Variants in MGAM2 observed in about 807,000 individuals in gnomAD.
MGAM2 encodes maltase-glucoamylase 2 (putative).
MGAM2 carries 98 observed loss-of-function variants against 96.1 expected under a neutral mutation model. That is an observed-to-expected ratio of 1.02 (90% CI 0.87 to 1.21). The LOEUF (loss-of-function observed/expected upper bound fraction) is 1.21, where lower values mean the gene tolerates loss of function less well. MGAM2 is among the 50% of genes most tolerant of loss of function. The probability of loss-of-function intolerance (pLI) is 0.00; values close to 1 mark genes in which losing one functional copy is unlikely to be tolerated. For missense variants in MGAM2, 2,055 were observed against 1,182.4 expected (o/e 1.74, Z -10.82); for synonymous variants, 749 against 414.8 (o/e 1.81, Z -9.79).
rs182520613 is a variant in MGAM2, at chr7:142,125,500, G to C, written c.186+5119G>C. ...GAGGGAGCAGAGCTACTTAATGTCT[G>C]CCTTAGGAAAATCAATTATCTACAG... is the stretch of plus-strand genomic sequence containing the variant. On this transcript the variant is annotated intron_variant, in intron 3 of 47. Transcript: ENST00000477922. Among the ~76,000 whole-genome samples the C allele has an allele frequency of 6.6e-3, 1,008 of 152,228 alleles. 7 individuals carry two copies. The highest frequency in any genetic ancestry group is 0.015 in the South Asian group (71 of 4,826).
intron 35 of MGAM2, among the ~76,000 whole-genome samples, chr7:142,187,413 G>A (rs188645750): frequency 6.6e-6 from 1 of 152,226 alleles, no homozygotes. Context: ...AAGGGGAGTT[G>A]TATCAAGAGA....
intron 22 of MGAM2, 147 bp from the exon 23 acceptor site, chr7:142,161,808 T>A (rs755374076): frequency 8.1e-6 from 4 of 492,724 alleles, no homozygotes; most frequent in Non-Finnish European, 1.4e-5. Context: ...CCAGGAAATA[T>A]TTGCAGAAGT....
At chr7:142,114,478 C>T (rs868153015) in intron 1 of MGAM2, among the ~76,000 whole-genome samples, 6 of 151,926 alleles carry the variant, frequency 3.9e-5, no homozygotes, top group African/African-American at 9.7e-5. Flanking sequence ...GTGGAACTAT[C>T]GTTTTGGAAG....
At chr7:142,160,605 T>C (rs911459764) in intron 21 of MGAM2, among the ~76,000 whole-genome samples, 1 of 151,590 alleles carries the variant, frequency 6.6e-6, no homozygotes, top group Non-Finnish European at 1.5e-5. Context: ...ATAAAGGTTA[T>C]CACGTGGAAG....
chr7:142,184,590 T>C (rs1796639581), intron 33 of MGAM2, among the ~76,000 whole-genome samples: 2 of 152,250 alleles, frequency 1.3e-5, no homozygotes, highest in Admixed American at 6.5e-5. Context: ...CTTAATGTCC[T>C]GGTAGTTACA....
intron 32 of MGAM2, among the ~76,000 whole-genome samples, chr7:142,182,155 G>A (rs150988597): frequency 2.0e-3 from 298 of 152,222 alleles, no homozygotes; most frequent in African/African-American, 6.2e-3. Flanking sequence ...AGCCTCAGCC[G>A]CAGATCTCAG....
At chr7:142,139,659 CAAAAAAA>C (rs765007343) in intron 10 of MGAM2, among the ~76,000 whole-genome samples, 5 of 54,596 alleles carry the variant, frequency 9.2e-5, no homozygotes, top group African/African-American at 3.3e-4. Flanking sequence ...GGCTCTATCT[CAAAAAAA>C]AAAAAAAAAA....
chr7:142,193,002 T>A (rs1156477891), intron 37 of MGAM2, among the ~76,000 whole-genome samples: 2 of 152,316 alleles, frequency 1.3e-5, no homozygotes, highest in Middle Eastern at 3.4e-3. Flanking sequence ...CAATATTTTT[T>A]AATTCCTTTT....
At chr7:142,114,224 A>AAGAGAGAG (rs1346151344) in intron 1 of MGAM2, among the ~76,000 whole-genome samples, 1 of 136,990 alleles carries the variant, frequency 7.3e-6, no homozygotes, top group Non-Finnish European at 1.6e-5. Context: ...GAGAGAAAGA[A>AAGAGAGAG]AGAAAGAAAT....
intron 46 of MGAM2, among the ~76,000 whole-genome samples, chr7:142,212,516 A>G (rs984705273): frequency 6.6e-6 from 1 of 152,228 alleles, no homozygotes; most frequent in African/African-American, 2.4e-5. Context: ...AGATTTGCCC[A>G]TCAAATGGGA....
At chr7:142,208,059 A>G (rs550438606) in intron 45 of MGAM2, among the ~76,000 whole-genome samples, 5 of 152,182 alleles carry the variant, frequency 3.3e-5, no homozygotes, top group Non-Finnish European at 5.9e-5. Flanking sequence ...CCTTATTGCC[A>G]CTAACTAGGT....
At chr7:142,201,989 TTAAAGC>T (rs1258141494) in intron 45 of MGAM2, among the ~76,000 whole-genome samples, 3 of 11,068 alleles carry the variant, frequency 2.7e-4, no homozygotes, top group African/African-American at 7.2e-4. Flanking sequence ...TAAAAAGCAA[TTAAAGC>T]AATTAATTTC....
Position 142,134,047 on chromosome 7 carries a change from C to A in MGAM2, c.642C>A (p.Pro214=). ...QQYLQLSFRL[P]SANVYGLGEH... is the part of the protein sequence containing the mutation. ...ACCTGCAACTGTCTTTCCGACTGCC[C>A]AGTGCCAATGTGTATGGGCTGGGAG... The change falls in exon 7 of 48, where the codon CCC becomes CCA. Residue 214 remains proline, a synonymous_variant. Transcript: ENST00000477922. The A allele has an allele frequency of 1.3e-6, 1 of 756,760 alleles. No individual in the cohort carries two copies. The highest frequency in any genetic ancestry group is 2.4e-5 in the East Asian group (1 of 40,906). The allele number at this position is 756,760 out of a possible 1,614,324, so 46.9% of individuals were successfully genotyped here. A position where few individuals can be genotyped will look rare whatever the true frequency, so the allele number is the denominator to read the frequency against.
intron 2 of MGAM2, among the ~76,000 whole-genome samples, chr7:142,119,315 A>C (rs755368063): frequency 6.6e-6 from 1 of 152,214 alleles, no homozygotes; most frequent in South Asian, 2.1e-4. Flanking sequence ...TAAACCCATG[A>C]AAGTATATTC....
intron 25 of MGAM2, among the ~76,000 whole-genome samples, chr7:142,166,742 A>G (rs933000703): frequency 2.0e-5 from 3 of 152,128 alleles, no homozygotes; most frequent in Admixed American, 6.5e-5. Flanking sequence ...CACTCATTAT[A>G]GAAGGTCAGT....
chr7:142,210,390 G>C (rs1797540822), intron 46 of MGAM2, among the ~76,000 whole-genome samples: 1 of 151,678 alleles, frequency 6.6e-6, no homozygotes, highest in Admixed American at 6.6e-5. Flanking sequence ...GAGTGCCCTT[G>C]CTCAGCGGAT....
At chr7:142,205,708 T>A (rs1353977654) in intron 45 of MGAM2, among the ~76,000 whole-genome samples, 2 of 152,138 alleles carry the variant, frequency 1.3e-5, no homozygotes, top group Admixed American at 6.5e-5. Flanking sequence ...TAGCTAAAAG[T>A]CCCTTATCCG....
In MGAM2 at chr7:142,167,254, T is replaced by A. The variant is rs1305927328; in HGVS notation, c.2809-14T>A. On this transcript the variant is annotated splice_polypyrimidine_tract_variant and intron_variant, in intron 25 of 47. Coordinates refer to ENST00000477922, the MANE Select transcript of MGAM2 (RefSeq NM_001293626.2). ...GTATCAGAGGCTGAGCAAGACTTTC[T>A]CCTGTTATTCCAGGACACATCTACT... The A allele has an allele frequency of 3.0e-6, 2 of 669,660 alleles. No individual in the cohort carries two copies. The highest frequency in any genetic ancestry group is 3.2e-5 in the South Asian group (2 of 61,650). 41.5% of individuals were successfully genotyped at this position (669,660 alleles called of 1,614,324 possible).
Position 142,186,002 on chromosome 7 carries a change from A to C in MGAM2, c.4001A>C (p.Tyr1334Ser). 1.4e-6 allele frequency: 1 copy of C among 703,474 alleles called. No individual in the cohort carries two copies. Among genetic ancestry groups the C allele is most frequent in the South Asian group, 1.5e-5 (1 of 67,602 alleles). 43.6% of individuals were successfully genotyped at this position (703,474 alleles called of 1,614,324 possible). A position where few individuals can be genotyped will look rare whatever the true frequency, so the allele number is the denominator to read the frequency against. ...HETQVKLYRA[Y>S]VAFPDFFRNS... ...TTATTCTTACAGCTTTACAGGGCCT[A>C]CGTTGCCTTTCCTGACTTCTTTCGT... Residue 1334 changes from tyrosine to serine, a missense_variant, in exon 35 of 48, where the codon TAC becomes TCC. Physicochemically the swap from Tyr to Ser is moderately radical, Grantham distance 144 (BLOSUM62 -2). Coordinates refer to ENST00000477922, the MANE Select transcript of MGAM2 (RefSeq NM_001293626.2).
Sources: allele counts gnomAD v4.1 joint callset (sites outside exome capture counted in the v4.1 genomes callset), GRCh38; gene constraint gnomAD v4.1.1; transcripts MANE v1.5; gene names NCBI Gene and HGNC (gene_info 2026-07-23, HGNC 2026-07-21).